Variants in SNTG2 observed in about 807,000 individuals in gnomAD.
The protein encoded by SNTG2 is gamma-2-syntrophin.
SNTG2 carries 74 observed loss-of-function variants against 70.9 expected under a neutral mutation model. That is an observed-to-expected ratio of 1.04 (90% CI 0.86 to 1.27). SNTG2 has a LOEUF of 1.27. Ranked by LOEUF, SNTG2 falls within the 50% of genes most tolerant of loss-of-function variation. The pLI is 0.00. For missense variants in SNTG2, 717 were observed against 690.7 expected (o/e 1.04, Z -0.43); for synonymous variants, 278 against 273.8 (o/e 1.02, Z -0.15).
chr2:1,025,825 T>C (rs1660452105), intron 1 of SNTG2, among the ~76,000 whole-genome samples: 1 of 152,172 alleles, frequency 6.6e-6, no homozygotes, highest in Non-Finnish European at 1.5e-5. Flanking sequence ...GCTCTGCAGA[T>C]GTGGATATTT....
chr2:1,194,685 T>A (rs1321687218), intron 8 of SNTG2, among the ~76,000 whole-genome samples: 4 of 152,198 alleles, frequency 2.6e-5, no homozygotes, highest in African/African-American at 9.6e-5. Flanking sequence ...GTGAAAATTA[T>A]GAACATGTGA....
At chr2:1,145,078 G>T (rs907591310) in intron 6 of SNTG2, among the ~76,000 whole-genome samples, 8 of 152,112 alleles carry the variant, frequency 5.3e-5, no homozygotes, top group African/African-American at 1.9e-4. Context: ...GCAGTGATAA[G>T]AAAGAAATAT....
At chr2:1,257,349 G>T (rs1280717543) in intron 12 of SNTG2, among the ~76,000 whole-genome samples, 1 of 152,162 alleles carries the variant, frequency 6.6e-6, no homozygotes, top group Non-Finnish European at 1.5e-5. Context: ...TTGCCTCCCT[G>T]GGCTGTGGGC....
chr2:1,235,390 G>A (rs966097396), intron 9 of SNTG2, among the ~76,000 whole-genome samples: 2 of 120,458 alleles, frequency 1.7e-5, no homozygotes, highest in Admixed American at 9.1e-5. Context: ...CCTGCCCCAC[G>A]CTGCCCTGAG....
At chr2:1,358,685 T>C (rs1336176953) in intron 16 of SNTG2, among the ~76,000 whole-genome samples, 7 of 152,194 alleles carry the variant, frequency 4.6e-5, no homozygotes, top group Non-Finnish European at 8.8e-5. Flanking sequence ...TATTGATTTC[T>C]AGCTTCATGC....
rs934779307 is a variant in SNTG2, at chr2:1,238,151, A to G, written c.849+134A>G. The G allele has an allele frequency of 1.0e-5, 12 of 1,203,006 alleles. No individual in the cohort carries two copies. In the African/African-American group the frequency reaches 1.2e-4, roughly 12 times the overall value. 74.5% of individuals were successfully genotyped at this position (1,203,006 alleles called of 1,614,324 possible). A position where few individuals can be genotyped will look rare whatever the true frequency, so the allele number is the denominator to read the frequency against. On this transcript the variant is annotated intron_variant, in intron 10 of 16. Transcript: ENST00000308624. ...GTACTTGTTTCAATGTGTCAAATCT[A>G]TGTCTAAAAACATTAAAAATGAAGC...
At chr2:1,119,003 A>G (rs1473291627) in intron 4 of SNTG2, among the ~76,000 whole-genome samples, 1 of 152,200 alleles carries the variant, frequency 6.6e-6, no homozygotes, top group Non-Finnish European at 1.5e-5. Flanking sequence ...TCAAAGGCAA[A>G]AAAAGGATAA....
chr2:1,270,351 A>AT (rs1393252624), intron 14 of SNTG2, among the ~76,000 whole-genome samples: 1 of 152,234 alleles, frequency 6.6e-6, no homozygotes, highest in African/African-American at 2.4e-5. Context: ...ATTATATTAC[A>AT]TTTAGTAATA....
chr2:1,068,773 G>A (rs1417836363), intron 1 of SNTG2, among the ~76,000 whole-genome samples: 2 of 152,172 alleles, frequency 1.3e-5, no homozygotes, highest in East Asian at 3.9e-4. Flanking sequence ...TATTCAGAAT[G>A]GCATAAAGAT....
intron 6 of SNTG2, among the ~76,000 whole-genome samples, chr2:1,145,869 A>AT (rs1164249974): frequency 6.6e-6 from 1 of 152,308 alleles, no homozygotes; most frequent in East Asian, 1.9e-4. Flanking sequence ...ACCAAGTGGG[A>AT]TTTTTTGCAG....
intron 7 of SNTG2, among the ~76,000 whole-genome samples, chr2:1,166,757 C>G (rs941422109): frequency 6.6e-6 from 1 of 152,198 alleles, no homozygotes; most frequent in Non-Finnish European, 1.5e-5. Context: ...CGCCCCCATC[C>G]TATGCCTATA....
At chr2:1,087,237 C>T (rs1431688558) in intron 2 of SNTG2, among the ~76,000 whole-genome samples, 1 of 152,214 alleles carries the variant, frequency 6.6e-6, no homozygotes, top group African/African-American at 2.4e-5. Context: ...TGCACACCTG[C>T]TCTTGTCCTC....
chr2:1,171,573 G>A (rs1465227073), intron 7 of SNTG2, among the ~76,000 whole-genome samples: 1 of 152,180 alleles, frequency 6.6e-6, no homozygotes, highest in Admixed American at 6.5e-5. Flanking sequence ...AACGCTCTGG[G>A]TGCTGTGTGG....
At chr2:1,365,952 C>T (rs1399771767) in intron 16 of SNTG2, among the ~76,000 whole-genome samples, 1 of 152,126 alleles carries the variant, frequency 6.6e-6, no homozygotes, top group Non-Finnish European at 1.5e-5. Context: ...CTGCCTGGGG[C>T]CCCATTCTCC....
At chr2:1,233,299 C>T (rs762523843) in intron 9 of SNTG2, among the ~76,000 whole-genome samples, 3 of 152,022 alleles carry the variant, frequency 2.0e-5, no homozygotes, top group Non-Finnish European at 4.4e-5. Flanking sequence ...GCAGGGGTCT[C>T]GGTTTGGGGC....
intron 8 of SNTG2, among the ~76,000 whole-genome samples, chr2:1,194,280 T>G (rs1672773272): frequency 6.6e-6 from 1 of 152,200 alleles, no homozygotes; most frequent in Non-Finnish European, 1.5e-5. Context: ...GTCTAGAGTA[T>G]TGTCTTTCTC....
At chr2:1,101,481 C>A (rs960474200) in intron 4 of SNTG2, among the ~76,000 whole-genome samples, 1 of 152,212 alleles carries the variant, frequency 6.6e-6, no homozygotes, top group Non-Finnish European at 1.5e-5. Flanking sequence ...AGCTTGGTCT[C>A]ATTTATTTTA....
intron 6 of SNTG2, among the ~76,000 whole-genome samples, chr2:1,152,069 T>C (rs551460672): frequency 5.3e-5 from 8 of 152,218 alleles, no homozygotes; most frequent in Non-Finnish European, 7.3e-5. Flanking sequence ...TTGTTTTGTT[T>C]TACACATCAT....
chr2:1,265,699 G>A (rs138392524), intron 13 of SNTG2, among the ~76,000 whole-genome samples: 1 of 152,214 alleles, frequency 6.6e-6, no homozygotes, highest in Non-Finnish European at 1.5e-5. Flanking sequence ...TGGATTTTGG[G>A]ACTGGACCTT....
Sources: allele counts gnomAD v4.1 joint callset (sites outside exome capture counted in the v4.1 genomes callset), GRCh38; gene constraint gnomAD v4.1.1; transcripts MANE v1.5; gene names NCBI Gene and HGNC (gene_info 2026-07-23, HGNC 2026-07-21).